Variants in MINDY4 observed in about 807,000 individuals in gnomAD.
The protein encoded by MINDY4 is probable ubiquitin carboxyl-terminal hydrolase MINDY-4.
Under a neutral mutation model 87.0 loss-of-function variants are expected in MINDY4, and 68 were observed. The observed-to-expected ratio is 0.78, with a 90% CI of 0.64 to 0.96. The LOEUF is 0.96. Ranked by LOEUF, MINDY4 falls within the 40% of genes least tolerant of loss-of-function variation. MINDY4 has a pLI of 0.00. For missense variants in MINDY4, 919 were observed against 928.2 expected, an observed-to-expected ratio of 0.99 and a Z score of 0.13; for synonymous variants, 379 against 363.2, an observed-to-expected ratio of 1.04 and a Z score of -0.50.
intron 5 of MINDY4, among the ~76,000 whole-genome samples, chr7:30,808,969 GAA>G (rs749557749): frequency 2.7e-5 from 4 of 149,904 alleles, no homozygotes; most frequent in Non-Finnish European, 5.9e-5. Context: ...CAGAGAGAGA[GAA>G]AGAGACAAAT....
At chr7:30,805,172 G>T (rs1787768540) in intron 5 of MINDY4, among the ~76,000 whole-genome samples, 1 of 152,240 alleles carries the variant, frequency 6.6e-6, no homozygotes, top group Non-Finnish European at 1.5e-5. Context: ...GGGAAGGCAA[G>T]TGGGCTCTGG....
At chr7:30,809,861 T>C (rs1365726332) in intron 5 of MINDY4, among the ~76,000 whole-genome samples, 2 of 151,372 alleles carry the variant, frequency 1.3e-5, no homozygotes, top group African/African-American at 4.9e-5. Context: ...TGTCCTGAAA[T>C]AAATTAACTG....
intron 6 of MINDY4, among the ~76,000 whole-genome samples, chr7:30,830,078 G>A (rs996651396): frequency 3.9e-5 from 6 of 152,120 alleles, no homozygotes; most frequent in Non-Finnish European, 8.8e-5. Flanking sequence ...TGGGGGCCAG[G>A]GGGTTGGGGG....
intron 17 of MINDY4, among the ~76,000 whole-genome samples, chr7:30,890,126 T>C (rs1337298898): frequency 6.6e-6 from 1 of 152,252 alleles, no homozygotes. Context: ...GAGAAAGTTT[T>C]GGACACAGTT....
intron 17 of MINDY4, among the ~76,000 whole-genome samples, chr7:30,886,357 C>A (rs1790631582): frequency 1.3e-5 from 2 of 152,252 alleles, no homozygotes; most frequent in Admixed American, 6.5e-5. Flanking sequence ...AGTTTGGAAT[C>A]AACCCTGTTA....
chr7:30,889,986 G>A (rs1790749795), intron 17 of MINDY4, among the ~76,000 whole-genome samples: 1 of 152,220 alleles, frequency 6.6e-6, no homozygotes, highest in South Asian at 2.1e-4. Flanking sequence ...TGGTTCAGGT[G>A]ATAAAAGGGT....
intron 5 of MINDY4, among the ~76,000 whole-genome samples, chr7:30,815,411 C>A (rs555172475): frequency 6.6e-6 from 1 of 152,318 alleles, no homozygotes; most frequent in South Asian, 2.1e-4. Flanking sequence ...ACACCTGGGA[C>A]ACCTCATGCT....
At chr7:30,864,794 G>A (rs1789881147) in intron 13 of MINDY4, among the ~76,000 whole-genome samples, 1 of 152,258 alleles carries the variant, frequency 6.6e-6, no homozygotes, top group African/African-American at 2.4e-5. Context: ...GAGCAGATGT[G>A]GGTTTGGGGT....
rs1254939721 is a variant in MINDY4, at chr7:30,875,552, G to A, written c.1867G>A (p.Val623Ile). 6.2e-7 allele frequency: 1 copy of A among 1,614,256 alleles called. No individual in the cohort carries two copies. Among genetic ancestry groups the A allele is most frequent in the Admixed American group, 1.7e-5 (1 of 60,036 alleles). Residue 623 changes from valine (V) to isoleucine (I), a missense_variant, in exon 15 of 18, where the codon GTT (valine) becomes ATT (isoleucine). Physicochemically the swap from Val to Ile is conservative, Grantham distance 29. Transcript: ENST00000265299. The stretch of plus-strand genomic sequence containing the variant: ...TGTGTCCAACGTTTTCAACGATGTG[G>A]TTGAGCTGGATTCTGGGGATGGGAA... ...KAVSNVFNDV[V>I]ELDSGDGNIT...
rs1789949373 is a variant in MINDY4 at position 30,866,770 on chromosome 7, G to A, written c.1746-5473G>A. ...GCAGAGGGTCTAGTTGGGAGGGAAG[G>A]AGCTGGACATGGTGGGTGGGAAGAG... On this transcript the variant is annotated intron_variant, in intron 13 of 17. Coordinates refer to ENST00000265299, the MANE Select transcript of MINDY4 (RefSeq NM_032222.3). Among the ~76,000 whole-genome samples the A allele has an allele frequency of 3.3e-5, 5 of 152,322 alleles. No individual in the cohort carries two copies. The South Asian group carries it at 1.0e-3, about 32-fold the overall frequency.
intron 17 of MINDY4, among the ~76,000 whole-genome samples, chr7:30,885,201 C>T (rs1386046609): frequency 6.6e-6 from 1 of 152,204 alleles, no homozygotes; most frequent in Non-Finnish European, 1.5e-5. Flanking sequence ...GAGCAGTGGC[C>T]TTCAAGCTTC....
intron 15 of MINDY4, among the ~76,000 whole-genome samples, chr7:30,877,293 T>G (rs1015441854): frequency 7.2e-5 from 11 of 152,248 alleles, no homozygotes; most frequent in African/African-American, 2.4e-4. Flanking sequence ...CATTCTTGGG[T>G]CGAGGGCGTT....
chr7:30,878,262 G>T (rs1009015785), intron 15 of MINDY4, among the ~76,000 whole-genome samples: 8 of 152,158 alleles, frequency 5.3e-5, no homozygotes, highest in African/African-American at 1.9e-4. Flanking sequence ...CTTGTCTCCA[G>T]GCTTCTCACT....
intron 7 of MINDY4, among the ~76,000 whole-genome samples, chr7:30,837,510 C>T (rs960275146): frequency 3.3e-5 from 5 of 152,166 alleles, no homozygotes; most frequent in Admixed American, 6.5e-5. Flanking sequence ...TTTGTCCTTT[C>T]GTTTCCTTCC....
chr7:30,842,503 T>C (rs1562550450), intron 9 of MINDY4, among the ~76,000 whole-genome samples: 1 of 152,168 alleles, frequency 6.6e-6, no homozygotes, highest in Non-Finnish European at 1.5e-5. Context: ...TGCACCTACC[T>C]ACCTACCCAC....
chr7:30,795,884 C>T (rs1787472248), intron 5 of MINDY4, among the ~76,000 whole-genome samples: 1 of 152,188 alleles, frequency 6.6e-6, no homozygotes, highest in Non-Finnish European at 1.5e-5. Flanking sequence ...CTTCCTGCTC[C>T]CTCTTCTGCT....
rs1789432219 is a variant in MINDY4 at position 30,852,119 on chromosome 7, A to G, written c.1548-97A>G. Reference sequence around the variant, plus strand: ...ATTTTCTCTCTGGAGCCACCTTCTTATTTGTCCTTATTTAATGACACATGT... The same window carrying G: ...ATTTTCTCTCTGGAGCCACCTTCTTGTTTGTCCTTATTTAATGACACATGT... On this transcript the variant is annotated intron_variant, in intron 10 of 17. Coordinates refer to ENST00000265299, the MANE Select transcript of MINDY4 (RefSeq NM_032222.3). The G allele has an allele frequency of 7.9e-6, 11 of 1,397,830 alleles. No homozygotes were observed. The South Asian group carries it at 1.4e-4, about 18-fold the overall frequency. The allele number at this position is 1,397,830 out of a possible 1,614,324, so 86.6% of individuals were successfully genotyped here. A position where few individuals can be genotyped will look rare whatever the true frequency, so the allele number is the denominator to read the frequency against.
chr7:30,869,960 C>T (rs1236984166), intron 13 of MINDY4, among the ~76,000 whole-genome samples: 2 of 152,302 alleles, frequency 1.3e-5, no homozygotes, highest in South Asian at 2.1e-4. Flanking sequence ...TTCCCCTATT[C>T]CCCTAGAGGG....
chr7:30,788,465 A>G (rs1370794398), intron 4 of MINDY4, among the ~76,000 whole-genome samples: 2 of 152,184 alleles, frequency 1.3e-5, no homozygotes, highest in Admixed American at 1.3e-4. Context: ...CATTAGACAA[A>G]AAGAAAATCA....
Sources: allele counts gnomAD v4.1 joint callset (sites outside exome capture counted in the v4.1 genomes callset), GRCh38; gene constraint gnomAD v4.1.1; transcripts MANE v1.5; gene names NCBI Gene and HGNC (gene_info 2026-07-23, HGNC 2026-07-21).